LIN7B: variants seen among roughly 807,000 people sequenced by gnomAD.
LIN7B encodes protein lin-7 homolog B.
In LIN7B, 16 loss-of-function variants were observed where a neutral mutation model predicts 27.9. That is an observed-to-expected ratio of 0.57 (90% CI 0.39 to 0.87). The LOEUF (loss-of-function observed/expected upper bound fraction) is 0.87. Ranked by LOEUF, LIN7B falls within the 40% of genes least tolerant of loss-of-function variation. LIN7B has a pLI of 0.00. For synonymous variants in LIN7B, 147 were observed against 120.8 expected, an observed-to-expected ratio of 1.22 and a Z score of -1.42; for missense variants, 291 against 288.5, an observed-to-expected ratio of 1.01 and a Z score of -0.06.
chr19:49,114,556 G>A, intron 1 of LIN7B, 115 bp downstream of exon 1: 2 of 864,656 alleles, frequency 2.3e-6, no homozygotes, highest in East Asian at 3.6e-5. Context: ...CCCGGAGGGG[G>A]TGGGCGGGGC....
rs1420530719 is a variant in LIN7B at position 49,116,486 on chromosome 19, T to G, written c.438+14T>G. 3.1e-6 allele frequency: 5 copies of G among 1,610,260 alleles called. No homozygotes were observed. Among genetic ancestry groups the G allele is most frequent in the Non-Finnish European group, 4.2e-6 (5 of 1,177,088 alleles). On this transcript the variant is annotated intron_variant, in intron 4 of 5. Transcript: ENST00000221459. ...GTGAACGGTGTGGTGAGTGGAGGGC[T>G]GAGGCAGGACTGGGGGACACAGTCT...
In LIN7B at chr19:49,117,448, A is replaced by G. The variant is rs535828559; in HGVS notation, c.439-407A>G. Among the ~76,000 whole-genome samples the G allele has an allele frequency of 3.9e-5, 6 of 152,072 alleles. No homozygotes were observed. The East Asian group carries it at 1.2e-3, about 29-fold the overall frequency. ...TGCAGAAGGACCACTCTGGGACTCT[A>G]TGGGAGATGAACTGAGGGGAGAGAT... On this transcript the variant is annotated intron_variant, in intron 4 of 5. Transcript: ENST00000221459.
rs1185575406 is a variant in LIN7B at position 49,116,488 on chromosome 19, AGGCAGGACTGG to A, written c.438+19_438+29del. On this transcript the variant is annotated intron_variant, in intron 4 of 5. Coordinates refer to ENST00000221459, the MANE Select transcript of LIN7B (RefSeq NM_022165.3). ...GAACGGTGTGGTGAGTGGAGGGCTG[AGGCAGGACTGG>A]GGGACACAGTCTGTCTAACGTAGCA... The A allele has an allele frequency of 1.2e-6, 2 of 1,609,180 alleles. No homozygotes were observed. Among genetic ancestry groups the A allele is most frequent in the Non-Finnish European group, 8.5e-7 (1 of 1,176,078 alleles).
At position 49,117,915 on chromosome 19, in the gene LIN7B, G is replaced by A; in HGVS notation, c.499G>A (p.Val167Met). The change falls in exon 5 of 6, where the codon GTG (valine) becomes ATG (methionine). Residue 167 changes from valine to methionine, a missense_variant. Coordinates refer to ENST00000221459, the MANE Select transcript of LIN7B (RefSeq NM_022165.3). The part of the protein sequence containing the change: ...VELLKAAQGS[V>M]KLVVRYTPRV... Reference sequence around the variant, plus strand: ...GCTGCTGAAGGCGGCCCAGGGCTCGGTGAAGCTGGTTGTCCGTTACACACC... The same window carrying A: ...GCTGCTGAAGGCGGCCCAGGGCTCGATGAAGCTGGTTGTCCGTTACACACC... 1 of 1,614,114 alleles carries A rather than the reference G, an allele frequency of 6.2e-7. No homozygotes were observed. The highest frequency in any genetic ancestry group is 8.5e-7 in the Non-Finnish European group (1 of 1,179,984).
chr19:49,115,316 C>T lies in LIN7B; in HGVS notation c.213C>T (p.Ala71=), dbSNP rs1307862751. 6.4e-7 allele frequency: 1 copy of T among 1,573,120 alleles called. No individual in the cohort carries two copies. Among genetic ancestry groups the T allele is most frequent in the Non-Finnish European group, 8.6e-7 (1 of 1,158,244 alleles). Residue 71 remains alanine, a synonymous_variant, in exon 3 of 6, where the codon GCC becomes GCT. Coordinates refer to ENST00000221459, the MANE Select transcript of LIN7B (RefSeq NM_022165.3). ...TCACCGGCAGCGCCGAGATCCGAGCCCATGCCACAGCCAAGGTGGGCCCCG... is the reference window on the plus strand; with the variant it reads ...TCACCGGCAGCGCCGAGATCCGAGCTCATGCCACAGCCAAGGTGGGCCCCG... ...LDITGSAEIR[A]HATAKATVAA...
chr19:49,115,010 T>TCCA (rs2040802924), intron 2 of LIN7B, 43 bp downstream of exon 2: 1 of 949,306 alleles, frequency 1.1e-6, no homozygotes, highest in African/African-American at 1.7e-5. Context: ...GTGGCCGTCG[T>TCCA]CCTCCTCCTC....
intron 5 of LIN7B, 141 bp from the exon 6 acceptor site, chr19:49,118,211 C>A: frequency 1.5e-6 from 2 of 1,314,988 alleles, no homozygotes; most frequent in East Asian, 2.3e-5. Flanking sequence ...TAGCTTCCTT[C>A]CATCCCAAGA....
At chr19:49,118,188 C>A in intron 5 of LIN7B, 164 bp from the exon 6 acceptor site, 1 of 1,324,144 alleles carries the variant, frequency 7.6e-7, no homozygotes, top group Non-Finnish European at 1.1e-6. Flanking sequence ...GGCCAAATCC[C>A]CTGGGGAGCC....
rs781290336 is a variant in LIN7B, at chr19:49,114,918, A to G, written c.107A>G (p.Gln36Arg). Residue 36 changes from glutamine (Q) to arginine (R), a missense_variant, in exon 2 of 6, where the codon CAG becomes CGG. Coordinates refer to ENST00000221459, the MANE Select transcript of LIN7B (RefSeq NM_022165.3). ...GGGGAGCTGCCGCCGCAGAAGCTGC[A>G]GGCCCTCCAGCGAGTTCTGCAGAGC... ...RSGELPPQKL[Q>R]ALQRVLQSRF... is the part of the protein sequence containing the mutation. 148 of 1,472,460 alleles carry G rather than the reference A, an allele frequency of 1.0e-4. No individual in the cohort carries two copies. Among genetic ancestry groups the G allele is most frequent in the Admixed American group, 1.4e-4 (6 of 43,280 alleles). The allele number at this position is 1,472,460 out of a possible 1,614,324, so 91.2% of individuals were successfully genotyped here.
chr19:49,116,911 C>T (rs567161925), intron 4 of LIN7B, among the ~76,000 whole-genome samples: 4 of 152,152 alleles, frequency 2.6e-5, no homozygotes, highest in Non-Finnish European at 5.9e-5. Flanking sequence ...AAAGAAAGGG[C>T]TTAGTTCTGA....
chr19:49,116,761 C>G (rs2040832602), intron 4 of LIN7B, among the ~76,000 whole-genome samples: 2 of 152,186 alleles, frequency 1.3e-5, no homozygotes, highest in South Asian at 4.1e-4. Flanking sequence ...AGCATAGATA[C>G]AGGAAGGTTT....
At chr19:49,118,079 C>A in intron 5 of LIN7B, 61 bp downstream of exon 5, 1 of 1,594,170 alleles carries the variant, frequency 6.3e-7, no homozygotes, top group South Asian at 1.1e-5. Flanking sequence ...CCCCAGGCTC[C>A]CAAACCAGGC....
chr19:49,116,672 G>A (rs75380103), intron 4 of LIN7B, among the ~76,000 whole-genome samples, 200 bp downstream of exon 4: 1 of 152,328 alleles, frequency 6.6e-6, no homozygotes, highest in Non-Finnish European at 1.5e-5. Flanking sequence ...AGTAGGCCCC[G>A]GCTGAAATAG....
At chr19:49,118,185 TC>T in intron 5 of LIN7B, 166 bp from the exon 6 acceptor site, 2 of 1,336,836 alleles carry the variant, frequency 1.5e-6, no homozygotes, top group Non-Finnish European at 2.1e-6. Flanking sequence ...TTTGGCCAAA[TC>T]CCCTGGGGAG....
At chr19:49,116,812 G>A (rs2040833262) in intron 4 of LIN7B, among the ~76,000 whole-genome samples, 1 of 152,224 alleles carries the variant, frequency 6.6e-6, no homozygotes, top group Non-Finnish European at 1.5e-5. Flanking sequence ...TAAAGGATGA[G>A]TAGGAGTTCT....
intron 2 of LIN7B, 128 bp from the exon 3 acceptor site, chr19:49,115,132 C>G (rs2040804551): frequency 5.2e-6 from 5 of 959,492 alleles, no homozygotes; most frequent in South Asian, 1.9e-5. Flanking sequence ...TTGTAGTTTT[C>G]TCGGCCTTCT....
rs2040872353 is a variant in LIN7B, at chr19:49,118,370, T to G, written c.621T>G (p.Gly207=). Residue 207 remains glycine, a synonymous_variant, in exon 6 of 6, where the codon GGT becomes GGG. Coordinates refer to ENST00000221459, the MANE Select transcript of LIN7B (RefSeq NM_022165.3). ...CTTGCAGGTCCTTGGAGTCTCGAGG[T>G]TGAAACCACAGATCTGGACGTTCAC... The part of the protein sequence containing the change: ...HQSYSSLESR[G] The G allele has an allele frequency of 6.2e-7, 1 of 1,614,136 alleles. No individual in the cohort carries two copies. The highest frequency in any genetic ancestry group is 8.5e-7 in the Non-Finnish European group (1 of 1,180,008).
At position 49,114,874 on chromosome 19, in the gene LIN7B, C is replaced by T. The variant is rs1447580686; in HGVS notation, c.63C>T (p.Leu21=). ...ERDVSRAVEL[L]ERLQRSGELP... is the part of the protein sequence containing the mutation. ...ACGTGTCCCGGGCGGTTGAGCTCCT[C>T]GAGCGGCTCCAGCGCAGCGGGGAGC... Residue 21 remains leucine, a synonymous_variant, in exon 2 of 6, where the codon CTC becomes CTT. Coordinates refer to ENST00000221459, the MANE Select transcript of LIN7B (RefSeq NM_022165.3). The T allele has an allele frequency of 6.8e-7, 1 of 1,472,460 alleles. No individual in the cohort carries two copies. Among genetic ancestry groups the T allele is most frequent in the Non-Finnish European group, 9.0e-7 (1 of 1,115,892 alleles). 91.2% of individuals were successfully genotyped at this position (1,472,460 alleles called of 1,614,324 possible).
At position 49,114,885 on chromosome 19, in the gene LIN7B, A is replaced by G. The variant is rs1220291447; in HGVS notation, c.74A>G (p.Gln25Arg). 9 of 1,475,754 alleles carry G rather than the reference A, an allele frequency of 6.1e-6. No individual in the cohort carries two copies. Among genetic ancestry groups the G allele is most frequent in the South Asian group, 5.2e-5 (4 of 77,386 alleles). 91.4% of individuals were successfully genotyped at this position (1,475,754 alleles called of 1,614,324 possible). A position where few individuals can be genotyped will look rare whatever the true frequency, so the allele number is the denominator to read the frequency against. Residue 25 changes from glutamine (Q) to arginine (R), a missense_variant, in exon 2 of 6, where the codon CAG becomes CGG. Gln to Arg is a conservative substitution (Grantham distance 43). Coordinates refer to ENST00000221459, the MANE Select transcript of LIN7B (RefSeq NM_022165.3). ...SRAVELLERL[Q>R]RSGELPPQKL... is the part of the protein sequence containing the mutation. ...GCGGTTGAGCTCCTCGAGCGGCTCC[A>G]GCGCAGCGGGGAGCTGCCGCCGCAG...
Sources: gnomAD v4.1 joint callset for allele counts (sites outside exome capture counted in the v4.1 genomes callset) on GRCh38, gnomAD v4.1.1 for gene constraint, MANE v1.5 for transcripts, NCBI Gene and HGNC (gene_info 2026-07-23, HGNC 2026-07-21) for gene names.